Variants in PABPC4L observed in about 807,000 individuals in gnomAD.
PABPC4L encodes polyadenylate-binding protein 4-like.
For missense variants in PABPC4L, 452 were observed against 451.4 expected (o/e 1.00, Z -0.01); for synonymous variants, 169 against 164.1 (o/e 1.03, Z -0.23).
the PABPC4L span, among the ~76,000 whole-genome samples, chr4:133,985,909 A>T: frequency 6.6e-6 from 1 of 152,102 alleles, no homozygotes; most frequent in African/African-American, 2.4e-5. Context: ...AGCTATAGCA[A>T]TGCAAGTGAC....
chr4:134,039,932 T>A, the PABPC4L span, among the ~76,000 whole-genome samples: 1 of 151,824 alleles, frequency 6.6e-6, no homozygotes, highest in African/African-American at 2.4e-5. Context: ...ACAGACAAAC[T>A]GAGAGCCAAA....
At chr4:133,953,380 T>C in the PABPC4L span, among the ~76,000 whole-genome samples, 4 of 152,320 alleles carry the variant, frequency 2.6e-5, no homozygotes, top group African/African-American at 9.6e-5. Flanking sequence ...AAAAACCTTC[T>C]GAAATTCCCT....
At chr4:134,098,464 G>C in the PABPC4L span, among the ~76,000 whole-genome samples, 1 of 151,286 alleles carries the variant, frequency 6.6e-6, no homozygotes, top group African/African-American at 2.4e-5. Flanking sequence ...ATCTGTGATG[G>C]GGAAGACATC....
At chr4:134,126,661 TA>T in the PABPC4L span, among the ~76,000 whole-genome samples, 2 of 152,086 alleles carry the variant, frequency 1.3e-5, no homozygotes, top group Non-Finnish European at 2.9e-5. Context: ...TTATTTTCCT[TA>T]AAAAATGTAG....
At chr4:134,188,388 C>A in the PABPC4L span, among the ~76,000 whole-genome samples, 1 of 152,082 alleles carries the variant, frequency 6.6e-6, no homozygotes, top group East Asian at 1.9e-4. Flanking sequence ...TCAATTATTT[C>A]TTCACCATGC....
the PABPC4L span, among the ~76,000 whole-genome samples, chr4:134,066,589 T>G: frequency 6.6e-6 from 1 of 152,050 alleles, no homozygotes; most frequent in East Asian, 1.9e-4. Flanking sequence ...TGAATAGGAG[T>G]GGTGAGAAGA....
At chr4:134,042,033 G>A in the PABPC4L span, among the ~76,000 whole-genome samples, 2 of 152,182 alleles carry the variant, frequency 1.3e-5, no homozygotes, top group African/African-American at 2.4e-5. Flanking sequence ...CAACAAATGA[G>A]TGGATAAAGA....
At chr4:134,164,985 T>C in the PABPC4L span, among the ~76,000 whole-genome samples, 2 of 152,082 alleles carry the variant, frequency 1.3e-5, no homozygotes, top group African/African-American at 2.4e-5. Flanking sequence ...CAAATACTTA[T>C]AACCAACTGA....
chr4:134,117,241 C>G, the PABPC4L span, among the ~76,000 whole-genome samples: 1 of 151,626 alleles, frequency 6.6e-6, no homozygotes, highest in East Asian at 1.9e-4. Flanking sequence ...AGGCTGCTGA[C>G]CATGGAGGAA....
the PABPC4L span, among the ~76,000 whole-genome samples, chr4:134,162,303 C>A: frequency 6.6e-6 from 1 of 152,010 alleles, no homozygotes; most frequent in African/African-American, 2.4e-5. Flanking sequence ...ATCAGTTCAA[C>A]AAAAATATAT....
the PABPC4L span, among the ~76,000 whole-genome samples, chr4:133,954,790 C>T: frequency 6.6e-6 from 1 of 151,854 alleles, no homozygotes; most frequent in African/African-American, 2.4e-5. Context: ...AATTCTTTAC[C>T]AACTTTAGGA....
the PABPC4L span, among the ~76,000 whole-genome samples, chr4:134,090,823 G>A: frequency 6.6e-6 from 1 of 151,892 alleles, no homozygotes; most frequent in South Asian, 2.1e-4. Flanking sequence ...ATAGTGAATA[G>A]TGATTAGATA....
chr4:134,185,755 T>G, the PABPC4L span, among the ~76,000 whole-genome samples: 4 of 152,152 alleles, frequency 2.6e-5, no homozygotes, highest in Admixed American at 2.6e-4. Flanking sequence ...TGTCCCTGTT[T>G]GCAGATGACA....
the PABPC4L span, among the ~76,000 whole-genome samples, chr4:134,119,791 T>A: frequency 6.6e-6 from 1 of 151,696 alleles, no homozygotes; most frequent in African/African-American, 2.4e-5. Flanking sequence ...ACTCTTTATA[T>A]TTTTAAGAAA....
the PABPC4L span, among the ~76,000 whole-genome samples, chr4:134,021,623 T>C: frequency 6.6e-6 from 1 of 152,178 alleles, no homozygotes; most frequent in Non-Finnish European, 1.5e-5. Flanking sequence ...CAGAGGTGTC[T>C]AGTTAAGGAC....
the PABPC4L span, among the ~76,000 whole-genome samples, chr4:134,072,811 C>A: frequency 2.6e-5 from 4 of 152,042 alleles, no homozygotes; most frequent in African/African-American, 2.4e-5. Flanking sequence ...CACATGGTAG[C>A]AGAAGAGATA....
chr4:134,154,247 G>T, the PABPC4L span, among the ~76,000 whole-genome samples: 1 of 152,108 alleles, frequency 6.6e-6, no homozygotes, highest in Admixed American at 6.6e-5. Flanking sequence ...CCTGAGCTCA[G>T]GAGTTTGAGA....
chr4:134,103,543 T>C, the PABPC4L span, among the ~76,000 whole-genome samples: 1 of 151,632 alleles, frequency 6.6e-6, no homozygotes, highest in African/African-American at 2.4e-5. Flanking sequence ...ATCATATTGA[T>C]TAGGGCATAT....
chr4:134,114,017 C>T, the PABPC4L span, among the ~76,000 whole-genome samples: 1 of 151,712 alleles, frequency 6.6e-6, no homozygotes, highest in Non-Finnish European at 1.5e-5. Context: ...CAGCGGAACA[C>T]TTTGGAAATA....
Sources: allele counts gnomAD v4.1 joint callset (sites outside exome capture counted in the v4.1 genomes callset), GRCh38; gene constraint gnomAD v4.1.1; transcripts MANE v1.5; gene names NCBI Gene and HGNC (gene_info 2026-07-23, HGNC 2026-07-21).